The following ABTB3 variants were observed in gnomAD, a reference collection of about 807,000 sequenced individuals.
ABTB3 encodes ankyrin repeat and BTB domain containing 3.
the ABTB3 span, among the ~76,000 whole-genome samples, chr12:107,656,263 C>T: frequency 1.3e-5 from 2 of 150,742 alleles, no homozygotes; most frequent in East Asian, 3.9e-4. Context: ...ATCATGCCAC[C>T]GTACTCCAGC....
chr12:107,610,912 CA>C, the ABTB3 span, among the ~76,000 whole-genome samples: 6 of 152,142 alleles, frequency 3.9e-5, no homozygotes, highest in African/African-American at 1.4e-4. Flanking sequence ...GGTGAACCGT[CA>C]TGGACAGAGA....
At chr12:107,553,026 G>A in the ABTB3 span, among the ~76,000 whole-genome samples, 1 of 152,182 alleles carries the variant, frequency 6.6e-6, no homozygotes, top group Non-Finnish European at 1.5e-5. Context: ...ACTGGTTCTT[G>A]CATTCAAGTG....
chr12:107,338,898 T>C, the ABTB3 span, among the ~76,000 whole-genome samples: 1 of 152,214 alleles, frequency 6.6e-6, no homozygotes, highest in Admixed American at 6.5e-5. Flanking sequence ...ATAATCATAG[T>C]GCTCTATAGC....
At chr12:107,438,199 C>A in the ABTB3 span, among the ~76,000 whole-genome samples, 2 of 152,070 alleles carry the variant, frequency 1.3e-5, no homozygotes, top group African/African-American at 4.8e-5. Flanking sequence ...TGTGAACTCT[C>A]TATGTGATGT....
the ABTB3 span, among the ~76,000 whole-genome samples, chr12:107,631,476 G>A: frequency 6.6e-6 from 1 of 152,160 alleles, no homozygotes; most frequent in African/African-American, 2.4e-5. Flanking sequence ...GCCCAGTAAT[G>A]GGATTTCTGG....
chr12:107,402,536 G>T, the ABTB3 span, among the ~76,000 whole-genome samples: 4 of 152,238 alleles, frequency 2.6e-5, no homozygotes, highest in Non-Finnish European at 5.9e-5. Context: ...GGAAAGCCAT[G>T]TTCCAGCCAC....
chr12:107,618,344 C>T, the ABTB3 span: 1 of 1,613,516 alleles, frequency 6.2e-7, no homozygotes, highest in African/African-American at 1.3e-5. Context: ...CTGAGCATGG[C>T]TACGTGGATG....
the ABTB3 span, among the ~76,000 whole-genome samples, chr12:107,611,261 G>C: frequency 6.6e-6 from 1 of 151,936 alleles, no homozygotes; most frequent in East Asian, 1.9e-4. Flanking sequence ...GTCCAGGCTG[G>C]CCTTGAACTC....
At chr12:107,341,974 C>T in the ABTB3 span, among the ~76,000 whole-genome samples, 1 of 152,198 alleles carries the variant, frequency 6.6e-6, no homozygotes. Flanking sequence ...GCAATGCCAA[C>T]ATCACGCTTC....
At chr12:107,509,704 T>C in the ABTB3 span, among the ~76,000 whole-genome samples, 1 of 152,130 alleles carries the variant, frequency 6.6e-6, no homozygotes, top group East Asian at 1.9e-4. Flanking sequence ...CGAATTGGAG[T>C]AGGGCATGCC....
chr12:107,659,104 G>A, the ABTB3 span: 1 of 152,110 alleles, frequency 6.6e-6, no homozygotes, highest in African/African-American at 2.4e-5. Flanking sequence ...TTTACCCTTG[G>A]GGACAGCCAA....
the ABTB3 span, among the ~76,000 whole-genome samples, chr12:107,604,238 C>T: frequency 3.5e-3 from 526 of 152,058 alleles, 1 homozygote; most frequent in African/African-American, 0.012. Flanking sequence ...CACTTGAGCT[C>T]GAGTTCGAGA....
chr12:107,508,974 C>A, the ABTB3 span, among the ~76,000 whole-genome samples: 1 of 152,172 alleles, frequency 6.6e-6, no homozygotes, highest in Non-Finnish European at 1.5e-5. Flanking sequence ...ACCCAAGACT[C>A]AGCTGGAGGT....
the ABTB3 span, among the ~76,000 whole-genome samples, chr12:107,503,756 CA>C: frequency 9.6e-4 from 68 of 70,740 alleles, no homozygotes; most frequent in Middle Eastern, 8.9e-3. Context: ...GACCCTATCT[CA>C]AAAAAAAAAA....
At chr12:107,556,439 A>G in the ABTB3 span, among the ~76,000 whole-genome samples, 1 of 152,092 alleles carries the variant, frequency 6.6e-6, no homozygotes, top group Non-Finnish European at 1.5e-5. Flanking sequence ...CAGAGAGGTT[A>G]TGTAGCTTAC....
chr12:107,620,619 T>C, the ABTB3 span, among the ~76,000 whole-genome samples: 3 of 151,934 alleles, frequency 2.0e-5, no homozygotes, highest in African/African-American at 7.3e-5. Flanking sequence ...ATGAGGGAAA[T>C]GGTTGCAGCT....
the ABTB3 span, among the ~76,000 whole-genome samples, chr12:107,332,833 G>C: frequency 6.6e-6 from 1 of 152,176 alleles, no homozygotes; most frequent in Non-Finnish European, 1.5e-5. Context: ...CTAGGGTTGG[G>C]CTACAGATTT....
the ABTB3 span, chr12:107,319,076 C>G: frequency 6.2e-7 from 1 of 1,613,162 alleles, no homozygotes; most frequent in Non-Finnish European, 8.5e-7. Context: ...CCCGGCGTCC[C>G]CGTATGGCGG....
At chr12:107,328,904 T>C in the ABTB3 span, among the ~76,000 whole-genome samples, 1 of 152,290 alleles carries the variant, frequency 6.6e-6, no homozygotes, top group South Asian at 2.1e-4. Flanking sequence ...GGTTGATGAT[T>C]GTCCTTGCGC....
Sources: gnomAD v4.1 joint callset for allele counts (sites outside exome capture counted in the v4.1 genomes callset) on GRCh38, gnomAD v4.1.1 for gene constraint, MANE v1.5 for transcripts, NCBI Gene and HGNC (gene_info 2026-07-23, HGNC 2026-07-21) for gene names.